Variants in CYP19A1 observed in about 807,000 individuals in gnomAD.
CYP19A1 encodes aromatase.
CYP19A1 carries 32 observed loss-of-function variants against 44.4 expected under a neutral mutation model. That is an observed-to-expected ratio of 0.72 (90% CI 0.54 to 0.97). The LOEUF (loss-of-function observed/expected upper bound fraction) is 0.97. Among genes scored for constraint, CYP19A1 ranks in the 50% least tolerant of loss-of-function variants. The pLI, the probability that CYP19A1 is intolerant of heterozygous loss-of-function variation, is 0.00. For missense variants in CYP19A1, 598 were observed against 637.8 expected (o/e 0.94, Z 0.67); for synonymous variants, 212 against 215.6 (o/e 0.98, Z 0.14).
chr15:51,275,226 T>C (rs1342521577), intron 1 of CYP19A1, among the ~76,000 whole-genome samples: 1 of 152,254 alleles, frequency 6.6e-6, no homozygotes, highest in Admixed American at 6.5e-5. Flanking sequence ...TGCCATGGCC[T>C]GTGGCCACCA....
intron 1 of CYP19A1, among the ~76,000 whole-genome samples, chr15:51,311,091 T>A (rs1199387353): frequency 6.6e-6 from 1 of 151,988 alleles, no homozygotes; most frequent in African/African-American, 2.4e-5. Flanking sequence ...AGGAAACAAT[T>A]TAAAACTACC....
chr15:51,248,254 T>C (rs1040102026), intron 1 of CYP19A1, among the ~76,000 whole-genome samples: 6 of 152,156 alleles, frequency 3.9e-5, no homozygotes, highest in Non-Finnish European at 8.8e-5. Flanking sequence ...AAACAAACCA[T>C]CTCTCCATGA....
chr15:51,317,630 G>C (rs1183926176), intron 1 of CYP19A1, among the ~76,000 whole-genome samples: 1 of 152,130 alleles, frequency 6.6e-6, no homozygotes, highest in Admixed American at 6.5e-5. Flanking sequence ...TGAAAGAAAG[G>C]CCCAGAAGAG....
chr15:51,269,487 C>T (rs2035047283), intron 1 of CYP19A1, among the ~76,000 whole-genome samples: 1 of 148,592 alleles, frequency 6.7e-6, no homozygotes, highest in African/African-American at 2.5e-5. Context: ...CAACTTGGTT[C>T]TTTTTTTTTT....
chr15:51,237,089 T>C, intron 2 of CYP19A1, 80 bp from the exon 3 acceptor site: 1 of 1,490,938 alleles, frequency 6.7e-7, no homozygotes, highest in Non-Finnish European at 9.3e-7. Flanking sequence ...CTGTTTTTGT[T>C]CTTTTATAGC....
intron 1 of CYP19A1, among the ~76,000 whole-genome samples, chr15:51,284,547 A>G (rs1255181330): frequency 6.6e-6 from 1 of 152,264 alleles, no homozygotes; most frequent in African/African-American, 2.4e-5. Flanking sequence ...ATCTATTCCT[A>G]TGGATCAATA....
At chr15:51,215,925 A>C (rs1403220965) in intron 6 of CYP19A1, 108 bp from the exon 7 acceptor site, 26 of 1,558,300 alleles carry the variant, frequency 1.7e-5, no homozygotes, top group Non-Finnish European at 2.3e-5. Flanking sequence ...AATTGAAAAC[A>C]TTGGTGCTTA....
rs1244024247 is a variant in CYP19A1 at position 51,237,324 on chromosome 15, A to G, written c.146-315T>C. Among the ~76,000 whole-genome samples, 4 of 152,194 alleles carry G rather than the reference A, an allele frequency of 2.6e-5. No individual in the cohort carries two copies. The East Asian group carries it at 7.7e-4, about 29-fold the overall frequency. ...ATTTCTTCCCAGGTTAACTGGTATCAGTGAGTTTCTAATACAAGTCAATTG... is the reference window on the plus strand; with the variant it reads ...ATTTCTTCCCAGGTTAACTGGTATCGGTGAGTTTCTAATACAAGTCAATTG... On this transcript the variant is annotated intron_variant, in intron 2 of 9. Transcript: ENST00000396402.
At chr15:51,296,120 G>A (rs929581722) in intron 1 of CYP19A1, among the ~76,000 whole-genome samples, 12 of 152,068 alleles carry the variant, frequency 7.9e-5, no homozygotes, top group African/African-American at 2.9e-4. Flanking sequence ...TCTAGAGCCA[G>A]CATGAAGGGG....
intron 1 of CYP19A1, among the ~76,000 whole-genome samples, chr15:51,328,388 G>T (rs921756406): frequency 1.1e-4 from 17 of 152,182 alleles, no homozygotes; most frequent in African/African-American, 4.1e-4. Context: ...CCACTGCAGA[G>T]CATCTGACAT....
chr15:51,321,253 A>G (rs2036522787), intron 1 of CYP19A1, among the ~76,000 whole-genome samples: 1 of 152,002 alleles, frequency 6.6e-6, no homozygotes, highest in Admixed American at 6.6e-5. Flanking sequence ...GCCCTTCACA[A>G]TCATCACTGA....
At chr15:51,258,592 T>G (rs1286694888) in intron 1 of CYP19A1, among the ~76,000 whole-genome samples, 1 of 151,692 alleles carries the variant, frequency 6.6e-6, no homozygotes, top group Non-Finnish European at 1.5e-5. Flanking sequence ...GGATCCACTT[T>G]GGAAAAGGCC....
intron 1 of CYP19A1, among the ~76,000 whole-genome samples, chr15:51,250,778 G>C (rs920460531): frequency 2.0e-5 from 3 of 148,764 alleles, no homozygotes; most frequent in Non-Finnish European, 4.4e-5. Context: ...GCCAGTTGGG[G>C]ATTGTTCCAG....
chr15:51,218,649 G>A lies in CYP19A1; in HGVS notation c.635C>T (p.Ala212Val). 6.2e-7 allele frequency: 1 copy of A among 1,612,298 alleles called. No individual in the cohort carries two copies. The highest frequency in any genetic ancestry group is 8.5e-7 in the Non-Finnish European group (1 of 1,179,234). ...ATAACCTTGGATTTTAACCACGATA[G>A]CACTTTCTGTAGGAAAAAAAAACAC... is the stretch of plus-strand genomic sequence containing the variant. ...LFLRIPLDES[A>V]IVVKIQGYFD... The change falls in exon 6 of 10, where the codon GCT (alanine) becomes GTT (valine). Residue 212 changes from alanine (A) to valine (V), a missense_variant. By Grantham distance (64) the Ala-to-Val change is moderately conservative (BLOSUM62 0). Transcript: ENST00000396402.
At chr15:51,294,530 T>C (rs2140992477) in intron 1 of CYP19A1, among the ~76,000 whole-genome samples, 1 of 149,164 alleles carries the variant, frequency 6.7e-6, no homozygotes, top group African/African-American at 2.5e-5. Context: ...CCGCCCCATC[T>C]GGGAAGTGAG....
chr15:51,274,473 A>G (rs2035235157), intron 1 of CYP19A1, among the ~76,000 whole-genome samples: 1 of 152,202 alleles, frequency 6.6e-6, no homozygotes, highest in Non-Finnish European at 1.5e-5. Context: ...ACTGAAGTGT[A>G]ACAGGTGAAG....
chr15:51,226,256 A>G (rs1228536099), intron 4 of CYP19A1, among the ~76,000 whole-genome samples: 2 of 152,148 alleles, frequency 1.3e-5, no homozygotes, highest in Non-Finnish European at 2.9e-5. Flanking sequence ...AAGCCAAGGA[A>G]TGTGGCTGGC....
intron 4 of CYP19A1, among the ~76,000 whole-genome samples, chr15:51,226,591 G>A (rs545094782): frequency 2.6e-5 from 4 of 152,290 alleles, no homozygotes; most frequent in South Asian, 2.1e-4. Flanking sequence ...CATGGAAGGC[G>A]GCTACCTAGG....
intron 1 of CYP19A1, among the ~76,000 whole-genome samples, chr15:51,300,975 T>TAGGA (rs1392471446): frequency 1.3e-5 from 2 of 151,838 alleles, no homozygotes; most frequent in African/African-American, 4.8e-5. Flanking sequence ...CAGAAGTGAA[T>TAGGA]AGGAGGCTAA....
Sources: allele counts gnomAD v4.1 joint callset (sites outside exome capture counted in the v4.1 genomes callset), GRCh38; gene constraint gnomAD v4.1.1; transcripts MANE v1.5; gene names NCBI Gene and HGNC (gene_info 2026-07-23, HGNC 2026-07-21).